The following PTCHD4 variants were observed in gnomAD, a reference collection of about 807,000 sequenced individuals.
PTCHD4 encodes patched domain containing 4.
In PTCHD4, 33 loss-of-function variants were observed where a neutral mutation model predicts 58.1. The observed-to-expected ratio is 0.57, with a 90% confidence interval of 0.43 to 0.76. PTCHD4 has a LOEUF of 0.76. Ranked by LOEUF, PTCHD4 falls within the 30% of genes least tolerant of loss-of-function variation. The pLI is 0.00. For synonymous variants in PTCHD4, 478 were observed against 409.6 expected (o/e 1.17, Z -2.02); for missense variants, 1,058 against 1,027.1 (o/e 1.03, Z -0.41).
intron 1 of PTCHD4, among the ~76,000 whole-genome samples, chr6:48,101,463 A>G (rs1001278006): frequency 6.6e-5 from 10 of 152,210 alleles, no homozygotes; most frequent in Admixed American, 2.0e-4. Context: ...ACTTCCTCTC[A>G]GAAATCATCA....
chr6:47,925,535 A>G (rs1010441773), intron 4 of PTCHD4, among the ~76,000 whole-genome samples: 2 of 152,214 alleles, frequency 1.3e-5, no homozygotes, highest in Non-Finnish European at 2.9e-5. Flanking sequence ...CAAAGCAAAG[A>G]GTTCCCAGAG....
intron 4 of PTCHD4, among the ~76,000 whole-genome samples, chr6:47,987,779 A>AT (rs111389891): frequency 0.034 from 4,871 of 142,542 alleles, 136 homozygotes; most frequent in African/African-American, 0.072. Flanking sequence ...GTCACATAAC[A>AT]TTTTTTTTTT....
At chr6:48,006,561 G>T (rs1311671971) in intron 4 of PTCHD4, among the ~76,000 whole-genome samples, 1 of 152,100 alleles carries the variant, frequency 6.6e-6, no homozygotes, top group East Asian at 1.9e-4. Flanking sequence ...TATTTCAAGC[G>T]ATGAGACTTC....
intron 3 of PTCHD4, among the ~76,000 whole-genome samples, chr6:48,053,307 C>G (rs1442636707): frequency 6.6e-6 from 1 of 152,080 alleles, no homozygotes; most frequent in Non-Finnish European, 1.5e-5. Context: ...AACGTGACAG[C>G]TAAAAAGTCA....
chr6:48,098,782 C>T (rs1435058301), intron 1 of PTCHD4, among the ~76,000 whole-genome samples: 2 of 152,078 alleles, frequency 1.3e-5, no homozygotes, highest in Non-Finnish European at 2.9e-5. Flanking sequence ...AGAGATGTCC[C>T]CATCCTGTTT....
At chr6:48,003,647 T>C (rs1311247767) in intron 4 of PTCHD4, among the ~76,000 whole-genome samples, 1 of 152,196 alleles carries the variant, frequency 6.6e-6, no homozygotes, top group Non-Finnish European at 1.5e-5. Flanking sequence ...GACAAAAATA[T>C]CTTTATAAAG....
rs190908378 is a variant in PTCHD4, at chr6:47,865,193, A to C, written c.*13110T>G. Among the ~76,000 whole-genome samples, 1 of 152,042 alleles carries C rather than the reference A, an allele frequency of 6.6e-6. No homozygotes were observed. Among genetic ancestry groups the C allele is most frequent in the Non-Finnish European group, 1.5e-5 (1 of 67,892 alleles). On this transcript the variant is annotated 3_prime_UTR_variant, in exon 5 of 5. Coordinates refer to ENST00000339488, the MANE Select transcript of PTCHD4 (RefSeq NM_001384253.1). ...GTTATATATACCTGAGTATCCAGTA[A>C]TTTTACATGGAAAAAAGTATAAAAG...
At chr6:47,980,502 G>A (rs1767844147) in intron 4 of PTCHD4, among the ~76,000 whole-genome samples, 3 of 151,880 alleles carry the variant, frequency 2.0e-5, no homozygotes, top group African/African-American at 4.8e-5. Context: ...TCAAAGAAAT[G>A]GATTTTGATT....
intron 4 of PTCHD4, among the ~76,000 whole-genome samples, chr6:47,918,267 T>C (rs1370751290): frequency 6.6e-6 from 1 of 152,184 alleles, no homozygotes; most frequent in African/African-American, 2.4e-5. Flanking sequence ...ATGGAAATGC[T>C]ATTGGCATAG....
chr6:47,967,810 C>A (rs959235315), intron 4 of PTCHD4, among the ~76,000 whole-genome samples: 2 of 152,170 alleles, frequency 1.3e-5, no homozygotes, highest in Non-Finnish European at 2.9e-5. Flanking sequence ...CCTCTCTCAG[C>A]CTTCCTAAAT....
Position 47,874,420 on chromosome 6 carries a change from G to C in PTCHD4, c.*3883C>G, listed in dbSNP as rs1423013429. Among the ~76,000 whole-genome samples the C allele has an allele frequency of 3.3e-5, 5 of 151,656 alleles. No homozygotes were observed. The highest frequency in any genetic ancestry group is 1.2e-4 in the African/African-American group (5 of 41,356). ...AATAACAAAGCATGCATAGTGCCGT[G>C]CATTCATAACTATTTGGTCATAAAA... On this transcript the variant is annotated 3_prime_UTR_variant, in exon 5 of 5. Coordinates refer to ENST00000339488, the MANE Select transcript of PTCHD4 (RefSeq NM_001384253.1).
intron 4 of PTCHD4, among the ~76,000 whole-genome samples, chr6:47,897,940 C>CTTTTTTTTT (rs67063892): frequency 6.7e-4 from 51 of 76,358 alleles, no homozygotes; most frequent in African/African-American, 1.0e-3. Context: ...TTCTTTCTTT[C>CTTTTTTTTT]TTTTTTTTTT....
At chr6:48,062,463 C>T (rs961287196) in intron 3 of PTCHD4, among the ~76,000 whole-genome samples, 3 of 152,072 alleles carry the variant, frequency 2.0e-5, no homozygotes, top group Admixed American at 6.5e-5. Context: ...CCCCACCCCC[C>T]ACTTTTTTTT....
chr6:47,973,936 A>G (rs572760946), intron 4 of PTCHD4, among the ~76,000 whole-genome samples: 9 of 152,326 alleles, frequency 5.9e-5, no homozygotes, highest in Non-Finnish European at 1.2e-4. Flanking sequence ...TAGTAACATC[A>G]AAGCTATTGC....
chr6:47,873,055 A>G lies in PTCHD4; in HGVS notation c.*5248T>C, dbSNP rs775040881. 4.0e-5 allele frequency among the ~76,000 whole-genome samples: 6 copies of G among 151,664 alleles called. No homozygotes were observed. The highest frequency in any genetic ancestry group is 8.9e-5 in the Non-Finnish European group (6 of 67,752). On this transcript the variant is annotated 3_prime_UTR_variant, in exon 5 of 5. Transcript: ENST00000339488. ...GTCGGTGCTTACTTTAAGCTTCTTTACAAAGAGTCTCCCTAGCTTTTCACT... is the reference window on the plus strand; with the variant it reads ...GTCGGTGCTTACTTTAAGCTTCTTTGCAAAGAGTCTCCCTAGCTTTTCACT...
chr6:47,968,837 C>T (rs1456968492), intron 4 of PTCHD4, among the ~76,000 whole-genome samples: 7 of 152,046 alleles, frequency 4.6e-5, no homozygotes, highest in Non-Finnish European at 7.4e-5. Context: ...GAGGAAAATG[C>T]TATATGATGA....
chr6:47,927,561 C>T (rs16876828), intron 4 of PTCHD4, among the ~76,000 whole-genome samples: 19,789 of 152,026 alleles, frequency 0.13, 1,414 homozygotes, highest in African/African-American at 0.19. Flanking sequence ...CTGGATCTTA[C>T]ATTAAAAAGG....
At chr6:48,057,052 A>T (rs975226092) in intron 3 of PTCHD4, among the ~76,000 whole-genome samples, 1 of 152,108 alleles carries the variant, frequency 6.6e-6, no homozygotes, top group Non-Finnish European at 1.5e-5. Flanking sequence ...TTTACTTGCT[A>T]TATTTGGCAA....
chr6:48,037,281 C>T (rs747864878), intron 3 of PTCHD4, among the ~76,000 whole-genome samples: 12 of 152,130 alleles, frequency 7.9e-5, no homozygotes, highest in Non-Finnish European at 4.4e-5. Flanking sequence ...TTGTGCCTCA[C>T]ATATAAACTA....
Sources: allele counts gnomAD v4.1 joint callset (sites outside exome capture counted in the v4.1 genomes callset), GRCh38; gene constraint gnomAD v4.1.1; transcripts MANE v1.5; gene names NCBI Gene and HGNC (gene_info 2026-07-23, HGNC 2026-07-21).